Variants in UBAP1 observed in about 807,000 individuals in gnomAD.
UBAP1 encodes the protein ubiquitin associated protein 1.
A neutral mutation model predicts 39.0 loss-of-function variants in UBAP1; 5 were observed. The ratio of observed to expected loss-of-function variants is 0.13; its 90% CI spans 0.07 to 0.27. UBAP1 has a LOEUF of 0.27. UBAP1 is among the 10% of genes least tolerant of loss of function. The pLI, the probability that UBAP1 is intolerant of heterozygous loss-of-function variation, is 1.00. For missense variants in UBAP1, 490 were observed against 608.1 expected (o/e 0.81, Z 2.04); for synonymous variants, 211 against 225.1 (o/e 0.94, Z 0.56).
At position 34,181,116 on chromosome 9, in the gene UBAP1, C is replaced by CTTTCTTTTTTTTTTTTTTTTTTTTTT. The variant is rs1193356334; in HGVS notation, c.-8+1879_-8+1880insCTTTTTTTTTTTTTTTTTTTTTTTTT. On this transcript the variant is annotated intron_variant, in intron 1 of 6. Transcript: ENST00000297661. The stretch of plus-strand genomic sequence containing the variant: ...TGAGCCACCGCACCCGGCCTGTTTT[C>CTTTCTTTTTTTTTTTTTTTTTTTTTT]TTTTTTTTTTTTTTTTTGAGACAGA... 4.0e-4 allele frequency among the ~76,000 whole-genome samples: 29 copies of CTTTCTTTTTTTTTTTTTTTTTTTTTT among 72,272 alleles called. 4 individuals are homozygous for CTTTCTTTTTTTTTTTTTTTTTTTTTT. Among genetic ancestry groups the CTTTCTTTTTTTTTTTTTTTTTTTTTT allele is most frequent in the East Asian group, 5.1e-4 (1 of 1,942 alleles). 47.4% of individuals were successfully genotyped at this position (72,272 alleles called of 152,430 possible). A position where few individuals can be genotyped will look rare whatever the true frequency, so the allele number is the denominator to read the frequency against.
intron 1 of UBAP1, among the ~76,000 whole-genome samples, chr9:34,201,002 CG>C: frequency 6.6e-6 from 1 of 152,208 alleles, no homozygotes; most frequent in Admixed American, 6.5e-5. Flanking sequence ...CTCCGCCTCC[CG>C]GGTTCAAGTG....
chr9:34,250,817 C>T (rs2131638601), intron 6 of UBAP1, 58 bp downstream of exon 6: 1 of 1,462,956 alleles, frequency 6.8e-7, no homozygotes, highest in South Asian at 1.1e-5. Flanking sequence ...AAGTATCCAT[C>T]CTGGTTTTCT....
At chr9:34,231,898 T>G (rs150916389) in intron 2 of UBAP1, among the ~76,000 whole-genome samples, 4,337 of 152,152 alleles carry the variant, frequency 0.029, 203 homozygotes, top group African/African-American at 0.099. Flanking sequence ...CCCAAAGTGC[T>G]GGGATTACAG....
At chr9:34,234,493 A>G (rs1833580399) in intron 3 of UBAP1, among the ~76,000 whole-genome samples, 153 bp downstream of exon 3, 1 of 152,224 alleles carries the variant, frequency 6.6e-6, no homozygotes, top group South Asian at 2.1e-4. Flanking sequence ...CCATAAAATT[A>G]TAAGGGGCTG....
In UBAP1 at chr9:34,182,681, T is replaced by TCTC. The variant is rs1554645042; in HGVS notation, c.-8+3441_-8+3442insCTC. Among the ~76,000 whole-genome samples, 1,137 of 115,394 alleles carry TCTC rather than the reference T, an allele frequency of 9.9e-3. 11 individuals are homozygous for TCTC. Among genetic ancestry groups the TCTC allele is most frequent in the East Asian group, 0.024 (94 of 3,866 alleles). The allele number at this position is 115,394 out of a possible 152,430, so 75.7% of individuals were successfully genotyped here. A position where few individuals can be genotyped will look rare whatever the true frequency, so the allele number is the denominator to read the frequency against. On this transcript the variant is annotated intron_variant, in intron 1 of 6. Coordinates refer to ENST00000297661, the MANE Select transcript of UBAP1 (RefSeq NM_016525.5). The stretch of plus-strand genomic sequence containing the variant: ...TTTCTTTCTTTCTTTCTTTCTTTCT[T>TCTC]TCTCTCTCTCTTTCTTTTCTTTTCT...
intron 1 of UBAP1, among the ~76,000 whole-genome samples, chr9:34,201,700 G>A (rs918393019): frequency 6.6e-6 from 1 of 152,068 alleles, no homozygotes; most frequent in African/African-American, 2.4e-5. Context: ...ACACCAAGCA[G>A]CTGCCACCAG....
chr9:34,240,929 T>C (rs1344812057), intron 3 of UBAP1, among the ~76,000 whole-genome samples: 2 of 152,246 alleles, frequency 1.3e-5, no homozygotes, highest in Non-Finnish European at 2.9e-5. Flanking sequence ...TAGGACATTG[T>C]GCTAGATAAT....
chr9:34,228,293 C>CT (rs1302365770), intron 2 of UBAP1, among the ~76,000 whole-genome samples: 1 of 151,530 alleles, frequency 6.6e-6, no homozygotes, highest in African/African-American at 2.4e-5. Context: ...TGGCAGGCAC[C>CT]TGTAGTCCCA....
chr9:34,182,681 T>TTC (rs1437312393), intron 1 of UBAP1, among the ~76,000 whole-genome samples: 2 of 115,496 alleles, frequency 1.7e-5, no homozygotes, highest in Non-Finnish European at 3.6e-5. Flanking sequence ...CTTTCTTTCT[T>TTC]TCTCTCTCTC....
At chr9:34,246,102 T>A (rs1229399029) in intron 4 of UBAP1, among the ~76,000 whole-genome samples, 5 of 151,990 alleles carry the variant, frequency 3.3e-5, no homozygotes, top group Non-Finnish European at 1.5e-5. Flanking sequence ...ATTTTTATTA[T>A]TTTTTTTGAG....
At position 34,179,537 on chromosome 9, in the gene UBAP1, C is replaced by T. The variant is rs183027344; in HGVS notation, c.-8+297C>T. Among the ~76,000 whole-genome samples the T allele has an allele frequency of 2.6e-5, 4 of 151,952 alleles. No individual in the cohort carries two copies. The East Asian group carries it at 5.8e-4, about 22-fold the overall frequency. Reference sequence around the variant, plus strand: ...ACAGGCATAGTAGACATCTATCGGGCTGGACTGAGAACTCGGTGGGAACTA... The same window carrying T: ...ACAGGCATAGTAGACATCTATCGGGTTGGACTGAGAACTCGGTGGGAACTA... On this transcript the variant is annotated intron_variant, in intron 1 of 6. Transcript: ENST00000297661.
At chr9:34,223,809 A>T (rs1211368206) in intron 2 of UBAP1, among the ~76,000 whole-genome samples, 1 of 151,714 alleles carries the variant, frequency 6.6e-6, no homozygotes, top group East Asian at 1.9e-4. Context: ...TAGGAGAAAA[A>T]TTTTCTTTCT....
chr9:34,229,391 G>C (rs2131598130), intron 2 of UBAP1, among the ~76,000 whole-genome samples: 1 of 151,802 alleles, frequency 6.6e-6, no homozygotes, highest in South Asian at 2.1e-4. Flanking sequence ...CCGAGTAGCT[G>C]GGATTACAGG....
intron 4 of UBAP1, among the ~76,000 whole-genome samples, chr9:34,242,863 C>A (rs1372022639): frequency 6.6e-6 from 1 of 152,118 alleles, no homozygotes; most frequent in Non-Finnish European, 1.5e-5. Flanking sequence ...CATCAAGAGA[C>A]TATTTAGAGC....
chr9:34,207,094 C>G (rs1370040476), intron 1 of UBAP1, among the ~76,000 whole-genome samples: 1 of 142,204 alleles, frequency 7.0e-6, no homozygotes, highest in African/African-American at 2.6e-5. Flanking sequence ...TCTTGTCGCC[C>G]AGGCTGGAGT....
intron 2 of UBAP1, chr9:34,224,247 C>T: frequency 2.1e-6 from 1 of 484,606 alleles, no homozygotes; most frequent in South Asian, 3.6e-5. Flanking sequence ...TTCTTGTGGC[C>T]CAGGGGTAGC....
At chr9:34,230,568 C>G (rs1405393698) in intron 2 of UBAP1, among the ~76,000 whole-genome samples, 1 of 152,092 alleles carries the variant, frequency 6.6e-6, no homozygotes, top group Non-Finnish European at 1.5e-5. Flanking sequence ...ATTTGAGTCC[C>G]TATTTTCAAA....
At chr9:34,231,636 G>T (rs915559241) in intron 2 of UBAP1, among the ~76,000 whole-genome samples, 52 of 143,830 alleles carry the variant, frequency 3.6e-4, no homozygotes, top group African/African-American at 1.2e-3. Context: ...AAATTTTTTT[G>T]TTTTTTTTTT....
chr9:34,199,115 G>A (rs1004770760), intron 1 of UBAP1, among the ~76,000 whole-genome samples: 3 of 151,898 alleles, frequency 2.0e-5, no homozygotes, highest in Non-Finnish European at 4.4e-5. Context: ...GCTCTGTCGC[G>A]CAGGCTGGAG....
Sources: gnomAD v4.1 joint callset for allele counts (sites outside exome capture counted in the v4.1 genomes callset) on GRCh38, gnomAD v4.1.1 for gene constraint, MANE v1.5 for transcripts, NCBI Gene and HGNC (gene_info 2026-07-23, HGNC 2026-07-21) for gene names.